The following BICD1 variants were observed in gnomAD, a reference collection of about 807,000 sequenced individuals.
BICD1 encodes BICD cargo adaptor 1, also known as protein bicaudal D homolog 1.
Under a neutral mutation model 92.5 loss-of-function variants are expected in BICD1, and 35 were observed. The observed-to-expected ratio is 0.38, with a 90% CI of 0.29 to 0.50. The LOEUF is 0.50. BICD1 is among the 20% of genes least tolerant of loss of function. The probability of loss-of-function intolerance (pLI) is 0.93; values close to 1 mark genes in which losing one functional copy is unlikely to be tolerated. For missense variants in BICD1, 950 were observed against 1,189.8 expected (o/e 0.80, Z 2.97); for synonymous variants, 429 against 465.1 (o/e 0.92, Z 1.00).
chr12:32,212,513 C>T (rs1421027967), intron 1 of BICD1, among the ~76,000 whole-genome samples: 3 of 152,222 alleles, frequency 2.0e-5, no homozygotes, highest in Non-Finnish European at 4.4e-5. Context: ...CAACCTCCAT[C>T]TCCCAGATTC....
chr12:32,265,586 G>T (rs12828628), intron 2 of BICD1, among the ~76,000 whole-genome samples: 1 of 149,936 alleles, frequency 6.7e-6, no homozygotes, highest in Non-Finnish European at 1.5e-5. Context: ...GCACAGTGTC[G>T]CATGCCTCTA....
At chr12:32,351,487 CAAAAAAAAAAA>C (rs35002678) in intron 8 of BICD1, among the ~76,000 whole-genome samples, 107 of 57,228 alleles carry the variant, frequency 1.9e-3, no homozygotes, top group African/African-American at 6.8e-3. Context: ...GACTCTGTCT[CAAAAAAAAAAA>C]AAAAAAAAAA....
chr12:32,238,475 T>C (rs1946137746), intron 2 of BICD1, among the ~76,000 whole-genome samples: 1 of 152,122 alleles, frequency 6.6e-6, no homozygotes, highest in Admixed American at 6.5e-5. Flanking sequence ...CACCATAGGA[T>C]TTAGAATATC....
intron 3 of BICD1, among the ~76,000 whole-genome samples, chr12:32,295,153 C>T (rs1409772082): frequency 1.3e-5 from 2 of 149,800 alleles, no homozygotes; most frequent in Non-Finnish European, 1.5e-5. Flanking sequence ...ACAAAGATTA[C>T]ATTCGTACAT....
intron 4 of BICD1, among the ~76,000 whole-genome samples, chr12:32,323,016 TG>T (rs538922073): frequency 6.6e-6 from 1 of 152,258 alleles, no homozygotes; most frequent in Non-Finnish European, 1.5e-5. Flanking sequence ...AAAACACTTC[TG>T]ACATAATCAG....
chr12:32,330,236 A>C (rs576951822), intron 5 of BICD1, among the ~76,000 whole-genome samples: 1 of 152,314 alleles, frequency 6.6e-6, no homozygotes, highest in South Asian at 2.1e-4. Context: ...CTAAGGGCAA[A>C]ATATGACTTT....
chr12:32,379,922 C>G lies in BICD1; in HGVS notation c.*2295C>G, dbSNP rs991930417. 2.0e-5 allele frequency: 3 copies of G among 152,156 alleles called. No individual in the cohort carries two copies. The highest frequency in any genetic ancestry group is 4.4e-5 in the Non-Finnish European group (3 of 68,038). 9.4% of individuals were successfully genotyped at this position (152,156 alleles called of 1,614,324 possible). A position where few individuals can be genotyped will look rare whatever the true frequency, so the allele number is the denominator to read the frequency against. ...GTATTTGCATTCTTTATCCCTAACT[C>G]TGAATCTAGGACTCCATGAAAAGCC... On this transcript the variant is annotated 3_prime_UTR_variant, in exon 10 of 10. Transcript: ENST00000652176.
chr12:32,220,462 A>G (rs922921189), intron 2 of BICD1, among the ~76,000 whole-genome samples: 31 of 152,338 alleles, frequency 2.0e-4, no homozygotes, highest in Non-Finnish European at 3.7e-4. Context: ...TCAGAAGAAG[A>G]CATTTATGCA....
At chr12:32,260,690 C>G (rs1946836702) in intron 2 of BICD1, among the ~76,000 whole-genome samples, 1 of 151,390 alleles carries the variant, frequency 6.6e-6, no homozygotes, top group Non-Finnish European at 1.5e-5. Context: ...ATTTCACAAA[C>G]CACTTCTGGG....
chr12:32,345,406 G>T (rs866265068), intron 8 of BICD1, among the ~76,000 whole-genome samples: 1 of 152,030 alleles, frequency 6.6e-6, no homozygotes, highest in South Asian at 2.1e-4. Context: ...AGTACAAAGG[G>T]TATACAGTAG....
chr12:32,187,467 T>G (rs955979871), intron 1 of BICD1, among the ~76,000 whole-genome samples: 23 of 151,552 alleles, frequency 1.5e-4, no homozygotes, highest in Non-Finnish European at 2.7e-4. Context: ...AGGTCAGGAG[T>G]TGGAGACCAG....
Position 32,294,095 on chromosome 12 carries a change from A to G in BICD1, c.528A>G (p.Glu176=), listed in dbSNP as rs200407848. The G allele has an allele frequency of 1.2e-6, 2 of 1,609,776 alleles. No homozygotes were observed. Among genetic ancestry groups the G allele is most frequent in the Middle Eastern group, 1.6e-4 (1 of 6,082 alleles). ...TCCTTCAGGACTATACTGAATTGGA[A>G]GAAGAAAATATCACATTGCAGAAAC... is the stretch of plus-strand genomic sequence containing the variant. ...ARLLQDYTEL[E]EENITLQKLV... The change falls in exon 3 of 10, where the codon GAA becomes GAG. Residue 176 remains glutamate (E), a synonymous_variant. Transcript: ENST00000652176.
intron 1 of BICD1, among the ~76,000 whole-genome samples, chr12:32,208,697 CTT>C (rs1446980521): frequency 6.6e-6 from 1 of 152,310 alleles, no homozygotes; most frequent in Admixed American, 6.5e-5. Flanking sequence ...CTCTAAGACT[CTT>C]TGCTGCTGGA....
chr12:32,125,444 C>T (rs1475915527), intron 1 of BICD1, among the ~76,000 whole-genome samples: 1 of 152,158 alleles, frequency 6.6e-6, no homozygotes, highest in Non-Finnish European at 1.5e-5. Context: ...TCCCTTATGC[C>T]TCTTGAACAG....
intron 1 of BICD1, among the ~76,000 whole-genome samples, chr12:32,121,162 G>A (rs1016675970): frequency 2.6e-5 from 4 of 151,602 alleles, no homozygotes; most frequent in Non-Finnish European, 4.4e-5. Flanking sequence ...TAGAGACGGG[G>A]TTTCACCATG....
intron 1 of BICD1, chr12:32,107,978 C>T (rs185395246): frequency 2.3e-6 from 1 of 436,068 alleles, no homozygotes; most frequent in Non-Finnish European, 4.2e-6. Flanking sequence ...TGTGGCACCT[C>T]AGCTTTCCTC....
At chr12:32,248,247 G>A (rs943310691) in intron 2 of BICD1, among the ~76,000 whole-genome samples, 19 of 152,206 alleles carry the variant, frequency 1.2e-4, no homozygotes, top group African/African-American at 4.6e-4. Flanking sequence ...GATGGAGGTT[G>A]CTGATGACTT....
At chr12:32,233,229 A>T (rs1945947695) in intron 2 of BICD1, among the ~76,000 whole-genome samples, 1 of 150,210 alleles carries the variant, frequency 6.7e-6, no homozygotes, top group Non-Finnish European at 1.5e-5. Context: ...GGCTGAGACA[A>T]GAGAATCGCT....
chr12:32,367,733 G>A lies in BICD1; in HGVS notation c.2828G>A (p.Cys943Tyr). Reference protein sequence around the residue: ...QCSQLAGRQDCPTVSPDTALP... With the variant: ...QCSQLAGRQDYPTVSPDTALP... ...TCACAACTAGCCGGGAGGCAAGACT[G>A]CCCAACTGTCAGGTAAATTCAGATG... Residue 943 changes from cysteine to tyrosine, a missense_variant, in exon 9 of 10, where the codon TGC (cysteine) becomes TAC (tyrosine). Cys to Tyr is a radical substitution (Grantham distance 194). Transcript: ENST00000652176. The A allele has an allele frequency of 6.2e-7, 1 of 1,614,036 alleles. No individual in the cohort carries two copies. Among genetic ancestry groups the A allele is most frequent in the Non-Finnish European group, 8.5e-7 (1 of 1,179,930 alleles).
Sources: allele counts gnomAD v4.1 joint callset (sites outside exome capture counted in the v4.1 genomes callset), GRCh38; gene constraint gnomAD v4.1.1; transcripts MANE v1.5; gene names NCBI Gene and HGNC (gene_info 2026-07-23, HGNC 2026-07-21).